The following TP53BP1 variants were observed in gnomAD, a reference collection of about 807,000 sequenced individuals.
TP53BP1 encodes TP53-binding protein 1.
TP53BP1 carries 61 observed loss-of-function variants against 200.8 expected under a neutral mutation model. The ratio of observed to expected loss-of-function variants is 0.30; its 90% CI spans 0.25 to 0.38. The LOEUF is 0.38. Ranked by LOEUF, TP53BP1 falls within the 10% of genes least tolerant of loss-of-function variation. TP53BP1 has a pLI of 1.00. For missense variants in TP53BP1, 2,144 were observed against 2,371.9 expected, an observed-to-expected ratio of 0.90 and a Z score of 2.00; for synonymous variants, 822 against 844.3, an observed-to-expected ratio of 0.97 and a Z score of 0.46.
chr15:43,489,040 T>C (rs567759353), intron 4 of TP53BP1, among the ~76,000 whole-genome samples: 1 of 152,378 alleles, frequency 6.6e-6, no homozygotes, highest in Admixed American at 6.5e-5. Flanking sequence ...GCTCTTCAAC[T>C]ATGCCCTCCA....
At chr15:43,419,929 AT>A (rs1227328961) in intron 21 of TP53BP1, among the ~76,000 whole-genome samples, 1 of 152,124 alleles carries the variant, frequency 6.6e-6, no homozygotes, top group Non-Finnish European at 1.5e-5. Context: ...TGAAATCCAA[AT>A]AAAGTCTAAA....
At chr15:43,412,223 T>C (rs1004890321) in intron 24 of TP53BP1, among the ~76,000 whole-genome samples, 1 of 152,236 alleles carries the variant, frequency 6.6e-6, no homozygotes, top group Admixed American at 6.5e-5. Context: ...GATATAGTTT[T>C]GGTTAATTAG....
At chr15:43,408,779 A>T in intron 26 of TP53BP1, 118 bp downstream of exon 26, 1 of 1,026,750 alleles carries the variant, frequency 9.7e-7, no homozygotes, top group South Asian at 1.5e-5. Context: ...ACCCACTCAA[A>T]TTTATCCCAC....
chr15:43,443,850 G>A (rs931567237), intron 14 of TP53BP1, among the ~76,000 whole-genome samples: 1 of 152,198 alleles, frequency 6.6e-6, no homozygotes, highest in Non-Finnish European at 1.5e-5. Flanking sequence ...ACCAGCCTTA[G>A]AGAAAACAAC....
intron 11 of TP53BP1, among the ~76,000 whole-genome samples, chr15:43,461,009 GAA>G (rs766488888): frequency 5.2e-5 from 6 of 116,098 alleles, no homozygotes; most frequent in Admixed American, 1.8e-4. Context: ...GCCTCAAAAG[GAA>G]AAAAAAAAAA....
intron 22 of TP53BP1, 126 bp downstream of exon 22, chr15:43,416,099 C>T: frequency 1.1e-6 from 1 of 898,686 alleles, no homozygotes; most frequent in South Asian, 1.7e-5. Flanking sequence ...AGCTCATCCA[C>T]CATCTGAGAA....
At chr15:43,467,701 T>TA (rs1380988771) in intron 11 of TP53BP1, among the ~76,000 whole-genome samples, 1 of 152,124 alleles carries the variant, frequency 6.6e-6, no homozygotes, top group Non-Finnish European at 1.5e-5. Context: ...TGGTCACTGA[T>TA]AAACATCTGT....
chr15:43,470,944 A>C lies in TP53BP1; in HGVS notation c.1181-878T>G, dbSNP rs1289793262. Among the ~76,000 whole-genome samples the C allele has an allele frequency of 5.3e-5, 8 of 152,158 alleles. 1 individual carries two copies. The highest frequency in any genetic ancestry group is 1.2e-4 in the Non-Finnish European group (8 of 68,028). ...TGCTTAGCTTAGTCTCAACCTTACC[A>C]GTCTACACCTAATTTGGGATCCAGT... On this transcript the variant is annotated intron_variant, in intron 10 of 27. Coordinates refer to ENST00000382044, the MANE Select transcript of TP53BP1 (RefSeq NM_001141980.3).
Position 43,456,569 on chromosome 15 carries a change from T to A in TP53BP1, c.2039A>T (p.Gln680Leu). The change falls in exon 12 of 28, where the codon CAA (glutamine) becomes CTA (leucine). Residue 680 changes from glutamine (Q) to leucine (L), a missense_variant. Gln to Leu is a moderately radical substitution (Grantham distance 113). Transcript: ENST00000382044. ...ATTTTCTTCTTTGAGTTCCTCTCCT[T>A]GACTTTCACAAGGTGTCTCAGGGAT... ...EEIPETPCES[Q>L]GEELKEENME... The A allele has an allele frequency of 1.2e-6, 2 of 1,613,702 alleles. No individual in the cohort carries two copies. The highest frequency in any genetic ancestry group is 1.7e-6 in the Non-Finnish European group (2 of 1,179,850).
At position 43,432,386 on chromosome 15, in the gene TP53BP1, G is replaced by T. The variant is rs577417960; in HGVS notation, c.3483C>A (p.Thr1161=). The change falls in exon 17 of 28, where the codon ACC becomes ACA. Residue 1161 remains threonine, a synonymous_variant. Transcript: ENST00000382044. ...RPSQNNIGIQ[T]MECSLRVPET... Reference sequence around the variant, plus strand: ...CTGGGACCCTCAAGGAACACTCCATGGTTTGGATTCCTATGTTATTTTGGC... The same window carrying T: ...CTGGGACCCTCAAGGAACACTCCATTGTTTGGATTCCTATGTTATTTTGGC... 2 of 1,614,158 alleles carry T rather than the reference G, an allele frequency of 1.2e-6. No homozygotes were observed. The highest frequency in any genetic ancestry group is 1.7e-6 in the Non-Finnish European group (2 of 1,180,010).
rs2046815784 is a variant in TP53BP1, at chr15:43,474,759, G to A, written c.1094C>T (p.Ser365Leu). The A allele has an allele frequency of 6.2e-7, 1 of 1,606,760 alleles. No individual in the cohort carries two copies. The highest frequency in any genetic ancestry group is 1.3e-5 in the African/African-American group (1 of 74,868). The change falls in exon 10 of 28, where the codon TCA (serine) becomes TTA (leucine). Residue 365 changes from serine to leucine, a missense_variant. Ser to Leu is a moderately radical substitution (Grantham distance 145). This residue lies in a region of TP53BP1 where 1,700 missense variants were observed against 1,710.3 expected (regional missense o/e 0.99). Coordinates refer to ENST00000382044, the MANE Select transcript of TP53BP1 (RefSeq NM_001141980.3). Reference protein sequence around the residue: ...LVQDSLSTNSSDLVAPSPDAF... With the variant: ...LVQDSLSTNSLDLVAPSPDAF... ...ATCAGGAGAAGGAGCAACAAGATCT[G>A]AAGAATTCCTTTATATAAAGAGAGA... is the stretch of plus-strand genomic sequence containing the variant.
At position 43,482,232 on chromosome 15, in the gene TP53BP1, AAAC is replaced by A. The variant is rs138162379; in HGVS notation, c.372-1213_372-1211del. On this transcript the variant is annotated intron_variant, in intron 4 of 27. Transcript: ENST00000382044. ...CGACAGAGCGAGACTCCACCTCAAAAAACAACAACAACAACAACAACAACAACA... is the reference window on the plus strand; with the variant it reads ...CGACAGAGCGAGACTCCACCTCAAAAAACAACAACAACAACAACAACAACA... Among the ~76,000 whole-genome samples the A allele has an allele frequency of 7.5e-3, 1,141 of 151,780 alleles. 7 individuals are homozygous for A. Among genetic ancestry groups the A allele is most frequent in the South Asian group, 0.017 (83 of 4,774 alleles).
Position 43,403,757 on chromosome 15 carries a change from A to G in TP53BP1, c.*3626T>C. 1 of 1,613,932 alleles carries G rather than the reference A, an allele frequency of 6.2e-7. No individual in the cohort carries two copies. Among genetic ancestry groups the G allele is most frequent in the Non-Finnish European group, 8.5e-7 (1 of 1,180,000 alleles). ...CGCTGGTCAGTCAGAACCTAGGCCCACTGGATGAGCGTGGAGCCGCCCAGC... is the reference window on the plus strand; with the variant it reads ...CGCTGGTCAGTCAGAACCTAGGCCCGCTGGATGAGCGTGGAGCCGCCCAGC... On this transcript the variant is annotated 3_prime_UTR_variant, in exon 28 of 28. Transcript: ENST00000382044.
At chr15:43,441,782 A>AAAATAAAGAC (rs2045930608) in intron 14 of TP53BP1, among the ~76,000 whole-genome samples, 199 bp from the exon 15 acceptor site, 1 of 152,132 alleles carries the variant, frequency 6.6e-6, no homozygotes, top group African/African-American at 2.4e-5. Flanking sequence ...AGACAGTCTC[A>AAAATAAAGAC]CTCTATCACC....
chr15:43,450,294 C>G (rs1390936037), intron 12 of TP53BP1, among the ~76,000 whole-genome samples: 1 of 152,174 alleles, frequency 6.6e-6, no homozygotes, highest in African/African-American at 2.4e-5. Flanking sequence ...TAGTTTTAAA[C>G]CCATTTTTCT....
In TP53BP1 at chr15:43,492,110, T is replaced by C. The variant is rs1029584019; in HGVS notation, c.193-15A>G. ...GACACAACATCCTAGAAAATACACATACAAAATATCCCCATTATATATGAA... is the reference window on the plus strand; with the variant it reads ...GACACAACATCCTAGAAAATACACACACAAAATATCCCCATTATATATGAA... On this transcript the variant is annotated splice_polypyrimidine_tract_variant and intron_variant, in intron 2 of 27. Coordinates refer to ENST00000382044, the MANE Select transcript of TP53BP1 (RefSeq NM_001141980.3). The C allele has an allele frequency of 3.8e-6, 6 of 1,591,922 alleles. No individual in the cohort carries two copies. The highest frequency in any genetic ancestry group is 1.7e-5 in the Admixed American group (1 of 59,946).
In TP53BP1 at chr15:43,408,973, C is replaced by T; in HGVS notation, c.5524G>A (p.Ala1842Thr). The change falls in exon 26 of 28, where the codon GCC becomes ACC. Residue 1842 changes from alanine to threonine, a missense_variant. Physicochemically the swap from Ala to Thr is moderately conservative, Grantham distance 58. Around this residue, in one of 4 missense-constraint regions of TP53BP1, gnomAD observed 334 missense variants for 453.4 expected, o/e 0.74. Transcript: ENST00000382044. ...TTACGGTAGTTCTGGAGCTGGTTGG[C>T]ATGGCAACTATCATGGACCCAGACA... The part of the protein sequence containing the change: ...SHVWVHDSCH[A>T]NQLQNYRNYL... 1.2e-6 allele frequency: 2 copies of T among 1,614,198 alleles called. No individual in the cohort carries two copies. The highest frequency in any genetic ancestry group is 1.7e-6 in the Non-Finnish European group (2 of 1,180,022).
intron 15 of TP53BP1, among the ~76,000 whole-genome samples, chr15:43,440,564 G>A (rs984926663): frequency 8.6e-5 from 13 of 150,966 alleles, no homozygotes; most frequent in Non-Finnish European, 1.5e-4. Context: ...AGCCACTTTA[G>A]TTATTAACAG....
At chr15:43,487,558 T>C (rs983680866) in intron 4 of TP53BP1, among the ~76,000 whole-genome samples, 1 of 152,104 alleles carries the variant, frequency 6.6e-6, no homozygotes, top group Non-Finnish European at 1.5e-5. Flanking sequence ...TTTGGGAGGC[T>C]GAGGCAGGCA....
Sources: gnomAD v4.1 joint callset for allele counts (sites outside exome capture counted in the v4.1 genomes callset) on GRCh38, gnomAD v4.1.1 for gene constraint, gnomAD v4.1.1 regional missense constraint, MANE v1.5 for transcripts, NCBI Gene and HGNC (gene_info 2026-07-23, HGNC 2026-07-21) for gene names.